Variants in TRDN observed in about 807,000 individuals in gnomAD.
TRDN encodes triadin in skeletal muscle.
A neutral mutation model predicts 149.7 loss-of-function variants in TRDN; 161 were observed. The ratio of observed to expected loss-of-function variants is 1.08; its 90% confidence interval spans 0.95 to 1.23. TRDN has a LOEUF of 1.23. Among genes scored for constraint, TRDN ranks in the 50% most tolerant of loss-of-function variants. The probability of loss-of-function intolerance (pLI) is 0.00; values close to 1 mark genes in which losing one functional copy is unlikely to be tolerated. For missense variants in TRDN, 896 were observed against 823.5 expected, an observed-to-expected ratio of 1.09 and a Z score of -1.08; for synonymous variants, 294 against 250.5, an observed-to-expected ratio of 1.17 and a Z score of -1.64.
At chr6:123,513,479 GA>G (rs1407076243) in intron 6 of TRDN, among the ~76,000 whole-genome samples, 1 of 151,042 alleles carries the variant, frequency 6.6e-6, no homozygotes, top group Admixed American at 6.6e-5. Context: ...GTAAAGTTTG[GA>G]AAAAAAATCA....
At chr6:123,461,915 C>T (rs1272379956) in intron 10 of TRDN, among the ~76,000 whole-genome samples, 2 of 152,154 alleles carry the variant, frequency 1.3e-5, no homozygotes, top group Non-Finnish European at 2.9e-5. Context: ...TCCCTTTGAA[C>T]TTGTAGGCGT....
chr6:123,617,607 C>G (rs1052300830), intron 1 of TRDN, among the ~76,000 whole-genome samples: 1 of 152,064 alleles, frequency 6.6e-6, no homozygotes. Flanking sequence ...GTCAATGTAT[C>G]ATTAGTTGTC....
chr6:123,476,030 T>C (rs1777454283), intron 9 of TRDN, among the ~76,000 whole-genome samples: 1 of 132,834 alleles, frequency 7.5e-6, no homozygotes, highest in Admixed American at 7.6e-5. Context: ...ACCACTCCTA[T>C]TCAACATAGT....
intron 19 of TRDN, among the ~76,000 whole-genome samples, chr6:123,367,757 A>T (rs1378055649): frequency 6.6e-6 from 1 of 152,198 alleles, no homozygotes; most frequent in Non-Finnish European, 1.5e-5. Flanking sequence ...ATATTCTGAG[A>T]ACCTGCATTT....
intron 24 of TRDN, among the ~76,000 whole-genome samples, chr6:123,279,872 C>G (rs932578709): frequency 6.6e-6 from 1 of 152,148 alleles, no homozygotes; most frequent in South Asian, 2.1e-4. Context: ...CAAAACTATC[C>G]TAGTAACTTT....
chr6:123,463,796 G>C (rs1204865959), intron 10 of TRDN, among the ~76,000 whole-genome samples: 1 of 147,496 alleles, frequency 6.8e-6, no homozygotes, highest in African/African-American at 2.5e-5. Flanking sequence ...TTTTTGGACT[G>C]GTTGTTTGTA....
chr6:123,282,863 A>G (rs775102400), intron 24 of TRDN, among the ~76,000 whole-genome samples: 1 of 151,934 alleles, frequency 6.6e-6, no homozygotes, highest in Non-Finnish European at 1.5e-5. Flanking sequence ...TTTGGGGCAT[A>G]TAACACATAT....
intron 9 of TRDN, among the ~76,000 whole-genome samples, chr6:123,487,765 T>G (rs1034460746): frequency 2.4e-4 from 36 of 152,252 alleles, no homozygotes; most frequent in African/African-American, 8.7e-4. Context: ...TGCACTATAA[T>G]GTTCGCATTC....
At position 123,216,536 on chromosome 6, in the gene TRDN, A is replaced by G. The variant is rs931629081; in HGVS notation, c.*2065T>C. ...CGTTTTATCTTATCAAATAGTTTTT[A>G]TATTGAGAGTGAAAGAAACAGTAAA... On this transcript the variant is annotated 3_prime_UTR_variant, in exon 41 of 41. Coordinates refer to ENST00000334268, the MANE Select transcript of TRDN (RefSeq NM_006073.4). The G allele has an allele frequency of 1.3e-5, 2 of 151,890 alleles. No individual in the cohort carries two copies. Among genetic ancestry groups the G allele is most frequent in the African/African-American group, 4.8e-5 (2 of 41,422 alleles). 9.4% of individuals were successfully genotyped at this position (151,890 alleles called of 1,614,324 possible). A position where few individuals can be genotyped will look rare whatever the true frequency, so the allele number is the denominator to read the frequency against.
At chr6:123,412,518 C>A (rs919725625) in intron 12 of TRDN, among the ~76,000 whole-genome samples, 1 of 152,140 alleles carries the variant, frequency 6.6e-6, no homozygotes, top group Admixed American at 6.5e-5. Flanking sequence ...GGAAGACCAT[C>A]ATCACATTTT....
chr6:123,412,194 T>G lies in TRDN; in HGVS notation c.1052-18517A>C, dbSNP rs190378564. ...ATTAGACGAACACAGGACCTGAACCTTGCCTTAACTAAAACCACAATTTAC... is the reference window on the plus strand; with the variant it reads ...ATTAGACGAACACAGGACCTGAACCGTGCCTTAACTAAAACCACAATTTAC... On this transcript the variant is annotated intron_variant, in intron 12 of 40. Coordinates refer to ENST00000334268, the MANE Select transcript of TRDN (RefSeq NM_006073.4). Among the ~76,000 whole-genome samples, 449 of 152,308 alleles carry G rather than the reference T, an allele frequency of 2.9e-3. 2 individuals are homozygous for G. The highest frequency in any genetic ancestry group is 0.026 in the South Asian group (126 of 4,820).
intron 20 of TRDN, among the ~76,000 whole-genome samples, chr6:123,354,419 G>A (rs564326477): frequency 2.0e-5 from 3 of 151,778 alleles, no homozygotes; most frequent in Non-Finnish European, 4.4e-5. Context: ...ATTAACCTTT[G>A]CCTAAAACAC....
chr6:123,403,625 A>G (rs766483549), intron 12 of TRDN, among the ~76,000 whole-genome samples: 2 of 152,188 alleles, frequency 1.3e-5, no homozygotes, highest in Non-Finnish European at 2.9e-5. Context: ...GAGATAAAGT[A>G]CATCTTAGTC....
intron 14 of TRDN, among the ~76,000 whole-genome samples, chr6:123,384,089 T>C (rs1320619784): frequency 6.6e-6 from 1 of 152,186 alleles, no homozygotes; most frequent in Non-Finnish European, 1.5e-5. Context: ...CTGAAACATA[T>C]GTGCTTTGCA....
rs73551235 is a variant in TRDN at position 123,316,328 on chromosome 6, A to G, written c.1510+129T>C. 1.1e-5 allele frequency: 9 copies of G among 833,432 alleles called. No homozygotes were observed. The African/African-American group carries it at 1.4e-4, about 13-fold the overall frequency. The allele number at this position is 833,432 out of a possible 1,614,324, so 51.6% of individuals were successfully genotyped here. A position where few individuals can be genotyped will look rare whatever the true frequency, so the allele number is the denominator to read the frequency against. The stretch of plus-strand genomic sequence containing the variant: ...ACTTGTAAAATATATGGCACATAGC[A>G]TCAGTATTTTTTTAATGTTTTGGAT... On this transcript the variant is annotated intron_variant, in intron 24 of 40. Coordinates refer to ENST00000334268, the MANE Select transcript of TRDN (RefSeq NM_006073.4).
At chr6:123,395,761 A>G (rs1262682882) in intron 12 of TRDN, among the ~76,000 whole-genome samples, 1 of 152,194 alleles carries the variant, frequency 6.6e-6, no homozygotes, top group African/African-American at 2.4e-5. Context: ...TCGGGATCAT[A>G]GCAGTATCAT....
intron 4 of TRDN, among the ~76,000 whole-genome samples, chr6:123,540,621 G>A (rs1780781562): frequency 1.3e-5 from 2 of 152,174 alleles, no homozygotes; most frequent in South Asian, 2.1e-4. Flanking sequence ...CTGGCTTCAC[G>A]CCATTCTCCC....
rs1328890619 is a variant in TRDN, at chr6:123,510,731, C to T, written c.610+1572G>A. Among the ~76,000 whole-genome samples the T allele has an allele frequency of 8.6e-5, 13 of 151,360 alleles. No homozygotes were observed. In the East Asian group the frequency reaches 1.2e-3, roughly 14 times the overall value. ...CAATCTCAGCTCACTGCAACCTCTG[C>T]GTCCAGGTTTCAAGGTATTCTCCTG... is the stretch of plus-strand genomic sequence containing the variant. On this transcript the variant is annotated intron_variant, in intron 7 of 40. Transcript: ENST00000334268.
intron 24 of TRDN, among the ~76,000 whole-genome samples, chr6:123,279,762 T>C (rs976597178): frequency 7.9e-5 from 12 of 152,244 alleles, no homozygotes; most frequent in East Asian, 7.7e-4. Flanking sequence ...ACTTTCCCTT[T>C]CTTTTTAAGT....
Sources: allele counts gnomAD v4.1 joint callset (sites outside exome capture counted in the v4.1 genomes callset), GRCh38; gene constraint gnomAD v4.1.1; transcripts MANE v1.5; gene names NCBI Gene and HGNC (gene_info 2026-07-23, HGNC 2026-07-21).